Variants in DMBT1 observed in about 807,000 individuals in gnomAD.
The protein encoded by DMBT1 is scavenger receptor cysteine-rich domain-containing protein DMBT1.
In DMBT1, 198 loss-of-function variants were observed where a neutral mutation model predicts 252.9. That is an observed-to-expected ratio of 0.78 (90% CI 0.70 to 0.88). The LOEUF is 0.88. Ranked by LOEUF, DMBT1 falls within the 40% of genes least tolerant of loss-of-function variation. DMBT1 has a pLI of 0.00. For missense variants in DMBT1, 2,432 were observed against 2,404.7 expected (o/e 1.01, Z -0.24); for synonymous variants, 990 against 942.7 (o/e 1.05, Z -0.92).
intron 1 of DMBT1, among the ~76,000 whole-genome samples, chr10:122,562,400 G>T: frequency 6.6e-6 from 1 of 152,186 alleles, no homozygotes. Context: ...CCACCCAGGT[G>T]GTAGGGAGCA....
chr10:122,576,991 T>A, intron 7 of DMBT1, among the ~76,000 whole-genome samples: 1 of 152,232 alleles, frequency 6.6e-6, no homozygotes, highest in East Asian at 1.9e-4. Flanking sequence ...GGAGTTTAGT[T>A]GGGGCAGTTG....
In DMBT1 at chr10:122,586,134, C is replaced by A; in HGVS notation, c.1534C>A (p.Arg512=). ...TCAGGGCCGAGTGGAGGTCCTATAC[C>A]GAGGCTCCTGGGGCACCGTGTGTGA... ...RCQGRVEVLY[R]GSWGTVCDDS... Residue 512 remains arginine, a synonymous_variant, in exon 16 of 56, where the codon CGA becomes AGA. Coordinates refer to ENST00000338354, the MANE Select transcript of DMBT1 (RefSeq NM_001377530.1). 1 of 1,588,992 alleles carries A rather than the reference C, an allele frequency of 6.3e-7. No individual in the cohort carries two copies. The highest frequency in any genetic ancestry group is 8.6e-7 in the Non-Finnish European group (1 of 1,166,022).
intron 3 of DMBT1, among the ~76,000 whole-genome samples, chr10:122,570,483 C>A (rs1276699195): frequency 1.3e-5 from 2 of 152,162 alleles, no homozygotes; most frequent in African/African-American, 4.8e-5. Flanking sequence ...CTTTCAAAAC[C>A]ATCTTTCTTT....
intron 16 of DMBT1, among the ~76,000 whole-genome samples, chr10:122,588,262 C>T (rs1423039369): frequency 6.8e-6 from 1 of 148,138 alleles, no homozygotes; most frequent in Admixed American, 6.7e-5. Flanking sequence ...GGGTCCCTGT[C>T]TTTTTCATAT....
chr10:122,632,287 A>G (rs959028118), intron 50 of DMBT1, among the ~76,000 whole-genome samples: 55 of 148,866 alleles, frequency 3.7e-4, no homozygotes, highest in African/African-American at 1.4e-3. Flanking sequence ...TTGCTTTGTC[A>G]TCCCCTCCTG....
intron 46 of DMBT1, among the ~76,000 whole-genome samples, chr10:122,629,532 A>T (rs1289520171): frequency 6.6e-6 from 1 of 152,198 alleles, no homozygotes; most frequent in Non-Finnish European, 1.5e-5. Flanking sequence ...TTGAACAATG[A>T]TAGCTGTCAC....
chr10:122,580,803 G>A lies in DMBT1; in HGVS notation c.1004-63G>A, dbSNP rs374198269. The A allele has an allele frequency of 3.9e-4, 625 of 1,596,972 alleles. 3 individuals are homozygous for A. Among genetic ancestry groups the A allele is most frequent in the African/African-American group, 2.5e-3 (190 of 74,572 alleles). ...GACTCGCTCATTTCTTTCCCTCCTC[G>A]TTCCAGTTTTGCCGACTTCTGTGTA... On this transcript the variant is annotated intron_variant, in intron 10 of 55. Coordinates refer to ENST00000338354, the MANE Select transcript of DMBT1 (RefSeq NM_001377530.1).
rs548004006 is a variant in DMBT1, at chr10:122,598,562, C to T, written c.2957-212C>T. Among the ~76,000 whole-genome samples, 8 of 152,254 alleles carry T rather than the reference C, an allele frequency of 5.3e-5. No individual in the cohort carries two copies. The South Asian group carries it at 1.2e-3, about 24-fold the overall frequency. ...ACTTCAGTAGGGTCACAGATGCTTC[C>T]CCAAAACTTGAGCCTTCATAAACCC... On this transcript the variant is annotated intron_variant, in intron 25 of 55. Coordinates refer to ENST00000338354, the MANE Select transcript of DMBT1 (RefSeq NM_001377530.1).
chr10:122,579,820 T>C lies in DMBT1; in HGVS notation c.922T>C (p.Ser308Pro). The part of the protein sequence containing the change: ...LDDVRCSGHE[S>P]YLWSCPHNGW... ...TGATGTGCGCTGCTCAGGACATGAGTCCTACCTGTGGAGCTGCCCCCACAA... is the reference window on the plus strand; with the variant it reads ...TGATGTGCGCTGCTCAGGACATGAGCCCTACCTGTGGAGCTGCCCCCACAA... The change falls in exon 10 of 56, where the codon TCC becomes CCC. Residue 308 changes from serine to proline, a missense_variant. Physicochemically the swap from Ser to Pro is moderately conservative, Grantham distance 74 (BLOSUM62 -1). Coordinates refer to ENST00000338354, the MANE Select transcript of DMBT1 (RefSeq NM_001377530.1). The C allele has an allele frequency of 1.2e-6, 2 of 1,613,502 alleles. No homozygotes were observed. Among genetic ancestry groups the C allele is most frequent in the Non-Finnish European group, 1.7e-6 (2 of 1,179,602 alleles).
intron 16 of DMBT1, 57 bp from the exon 17 acceptor site, chr10:122,588,887 C>T (rs2097820730): frequency 6.3e-7 from 1 of 1,583,928 alleles, no homozygotes; most frequent in Non-Finnish European, 8.6e-7. Flanking sequence ...TGGAATGTGC[C>T]TTAGATCCTT....
chr10:122,619,571 A>G (rs1004831593), intron 42 of DMBT1, among the ~76,000 whole-genome samples: 1 of 152,236 alleles, frequency 6.6e-6, no homozygotes, highest in Non-Finnish European at 1.5e-5. Flanking sequence ...TTCATACTGT[A>G]CAATGGACAA....
chr10:122,573,804 C>T (rs2097687674), intron 6 of DMBT1, 42 bp downstream of exon 6: 1 of 1,601,320 alleles, frequency 6.2e-7, no homozygotes, highest in Non-Finnish European at 8.6e-7. Context: ...TCATTACCCC[C>T]CTGCACCCCT....
intron 54 of DMBT1, 88 bp downstream of exon 54, chr10:122,637,400 G>C: frequency 3.7e-6 from 5 of 1,369,832 alleles, no homozygotes; most frequent in Non-Finnish European, 4.9e-6. Context: ...TGGGGATGAA[G>C]AAATTATGAT....
chr10:122,575,755 T>C (rs996219774), intron 6 of DMBT1, among the ~76,000 whole-genome samples: 5 of 151,960 alleles, frequency 3.3e-5, no homozygotes, highest in Non-Finnish European at 7.4e-5. Flanking sequence ...ATCCCAGAGG[T>C]CAGCTAGAGT....
In DMBT1 at chr10:122,564,712, A is replaced by G. The variant is rs989069169; in HGVS notation, c.62-1255A>G. Among the ~76,000 whole-genome samples, 4 of 151,990 alleles carry G rather than the reference A, an allele frequency of 2.6e-5. 1 individual carries two copies. Among genetic ancestry groups the G allele is most frequent in the Non-Finnish European group, 5.9e-5 (4 of 68,028 alleles). ...TGATGAAATCCCTATCGAAGTGTGT[A>G]AGAGTACTGTATTTTATTTTTGTCC... On this transcript the variant is annotated intron_variant, in intron 1 of 55. Transcript: ENST00000338354.
At chr10:122,628,675 T>G (rs535285607) in intron 46 of DMBT1, among the ~76,000 whole-genome samples, 1 of 152,144 alleles carries the variant, frequency 6.6e-6, no homozygotes, top group Non-Finnish European at 1.5e-5. Context: ...TAATATTGAT[T>G]TATGCTACAA....
intron 1 of DMBT1, among the ~76,000 whole-genome samples, chr10:122,562,471 G>A (rs1264140762): frequency 6.6e-6 from 1 of 152,188 alleles, no homozygotes; most frequent in Non-Finnish European, 1.5e-5. Flanking sequence ...AGGACCTCAG[G>A]GGAGTGGAGA....
At chr10:122,619,206 T>G in intron 41 of DMBT1, 102 bp from the exon 42 acceptor site, 1 of 1,442,134 alleles carries the variant, frequency 6.9e-7, no homozygotes, top group East Asian at 2.3e-5. Context: ...GGGACTAGGA[T>G]GGACTGAGTG....
At chr10:122,566,160 G>A (rs2097589112) in intron 2 of DMBT1, among the ~76,000 whole-genome samples, 164 bp downstream of exon 2, 1 of 152,068 alleles carries the variant, frequency 6.6e-6, no homozygotes, top group Non-Finnish European at 1.5e-5. Context: ...CAAGACCTGG[G>A]GCATGTCTCA....
Sources: gnomAD v4.1 joint callset for allele counts (sites outside exome capture counted in the v4.1 genomes callset) on GRCh38, gnomAD v4.1.1 for gene constraint, MANE v1.5 for transcripts, NCBI Gene and HGNC (gene_info 2026-07-23, HGNC 2026-07-21) for gene names.